The following SLC6A13 variants were observed in gnomAD, a reference collection of about 807,000 sequenced individuals.
The protein encoded by SLC6A13 is solute carrier family 6 member 13, also known as sodium- and chloride-dependent GABA transporter 2.
Under a neutral mutation model 72.9 loss-of-function variants are expected in SLC6A13, and 69 were observed. The ratio of observed to expected loss-of-function variants is 0.95; its 90% confidence interval spans 0.78 to 1.16. The LOEUF (loss-of-function observed/expected upper bound fraction) is 1.16. SLC6A13 is among the 50% of genes most tolerant of loss of function. The pLI, the probability that SLC6A13 is intolerant of heterozygous loss-of-function variation, is 0.00. For synonymous variants in SLC6A13, 303 were observed against 303.0 expected, an observed-to-expected ratio of 1.00 and a Z score of 0.00; for missense variants, 735 against 760.5, an observed-to-expected ratio of 0.97 and a Z score of 0.39.
rs76005298 is a variant in SLC6A13, at chr12:237,052, C to T, written c.696+106G>A. 9.7e-3 allele frequency: 12,166 copies of T among 1,249,886 alleles called. 298 individuals carry two copies. The highest frequency in any genetic ancestry group is 0.089 in the African/African-American group (5,945 of 66,846). The allele number at this position is 1,249,886 out of a possible 1,614,324, so 77.4% of individuals were successfully genotyped here. A position where few individuals can be genotyped will look rare whatever the true frequency, so the allele number is the denominator to read the frequency against. ...CCACATCAAATCCTCGCTGGGTCAT[C>T]GCCTCCCATCCTCAACGGGGCCACA... On this transcript the variant is annotated intron_variant, in intron 6 of 14. Transcript: ENST00000343164.
At chr12:236,660 T>G (rs1490814973) in intron 6 of SLC6A13, among the ~76,000 whole-genome samples, 1 of 152,220 alleles carries the variant, frequency 6.6e-6, no homozygotes, top group Non-Finnish European at 1.5e-5. Flanking sequence ...TTGTGACACA[T>G]GACCTCTGTC....
intron 2 of SLC6A13, among the ~76,000 whole-genome samples, chr12:245,676 T>A (rs1942322143): frequency 2.1e-5 from 3 of 146,118 alleles, no homozygotes; most frequent in Admixed American, 2.0e-4. Context: ...TGGGACTCTG[T>A]CGCAAAAAAA....
intron 8 of SLC6A13, 22 bp downstream of exon 8, chr12:227,543 C>T (rs1232938378): frequency 1.2e-6 from 2 of 1,613,160 alleles, no homozygotes; most frequent in Admixed American, 1.7e-5. Flanking sequence ...GTGTGTGGCT[C>T]AGGCCCCACG....
At chr12:223,943 G>C (rs1941326510) in intron 11 of SLC6A13, 49 bp downstream of exon 11, 1 of 1,606,956 alleles carries the variant, frequency 6.2e-7, no homozygotes, top group African/African-American at 1.3e-5. Flanking sequence ...GGTAGCAGCT[G>C]TCACTTGGCT....
At position 222,584 on chromosome 12, in the gene SLC6A13, G is replaced by T; in HGVS notation, c.1463C>A (p.Pro488Gln). The T allele has an allele frequency of 6.2e-7, 1 of 1,610,874 alleles. No individual in the cohort carries two copies. Reference protein sequence around the residue: ...DNIEDMIGYRPWPLIKYCWLF... With the variant: ...DNIEDMIGYRQWPLIKYCWLF... ...CCAACAGTATTTGATAAGAGGCCAT[G>T]GCCTGTACCCAATCATGTCTTCGAT... The change falls in exon 13 of 15, where the codon CCA becomes CAA. Residue 488 changes from proline (P) to glutamine (Q), a missense_variant. Transcript: ENST00000343164.
At chr12:245,270 G>A (rs550468806) in intron 2 of SLC6A13, among the ~76,000 whole-genome samples, 1 of 152,200 alleles carries the variant, frequency 6.6e-6, no homozygotes, top group African/African-American at 2.4e-5. Context: ...CAGTAACGGG[G>A]AATAATTATC....
intron 4 of SLC6A13, among the ~76,000 whole-genome samples, chr12:238,679 G>A (rs919307449): frequency 7.2e-5 from 11 of 152,172 alleles, no homozygotes; most frequent in Non-Finnish European, 5.9e-5. Context: ...GACAGATACT[G>A]TTTTCCCCAT....
At chr12:257,856 C>A (rs1030401627) in intron 2 of SLC6A13, among the ~76,000 whole-genome samples, 2 of 152,322 alleles carry the variant, frequency 1.3e-5, no homozygotes, top group South Asian at 4.1e-4. Flanking sequence ...CTCTTCGTGC[C>A]ATTCCTGCTA....
chr12:250,210 T>C lies in SLC6A13; in HGVS notation c.203-6397A>G, dbSNP rs151064491. On this transcript the variant is annotated intron_variant, in intron 2 of 14. Transcript: ENST00000343164. ...ATCATACTTAATTGTAAAAGACTGC[T>C]AAGATTGAGAATAAAACAAGTGTCT... Among the ~76,000 whole-genome samples the C allele has an allele frequency of 1.2e-4, 19 of 152,298 alleles. No homozygotes were observed. The East Asian group carries it at 3.3e-3, about 26-fold the overall frequency.
rs538572711 is a variant in SLC6A13 at position 244,640 on chromosome 12, T to A, written c.203-827A>T. On this transcript the variant is annotated intron_variant, in intron 2 of 14. Coordinates refer to ENST00000343164, the MANE Select transcript of SLC6A13 (RefSeq NM_016615.5). ...GGGAGTTCGAGGCTGCAGTGAGCTG[T>A]GATTGTGCCACTGCCCTCCCTCCAA... Among the ~76,000 whole-genome samples the A allele has an allele frequency of 7.9e-5, 12 of 152,054 alleles. No homozygotes were observed. The East Asian group carries it at 2.3e-3, about 29-fold the overall frequency.
intron 2 of SLC6A13, among the ~76,000 whole-genome samples, chr12:252,878 G>A (rs1204904021): frequency 6.7e-6 from 1 of 150,342 alleles, no homozygotes; most frequent in Non-Finnish European, 1.5e-5. Flanking sequence ...GAGCTCCTTG[G>A]CAGCCTGCCA....
chr12:222,754 G>A, intron 12 of SLC6A13, 122 bp from the exon 13 acceptor site: 1 of 611,812 alleles, frequency 1.6e-6, no homozygotes, highest in Non-Finnish European at 2.9e-6. Context: ...CATCACAGCT[G>A]TCTGTTCAAG....
At chr12:229,462 C>A (rs1941613836) in intron 7 of SLC6A13, among the ~76,000 whole-genome samples, 1 of 152,232 alleles carries the variant, frequency 6.6e-6, no homozygotes, top group South Asian at 2.1e-4. Flanking sequence ...ATGAAAGTCA[C>A]TCGGTTCTAT....
chr12:224,653 T>A (rs191804229), intron 9 of SLC6A13, 140 bp from the exon 10 acceptor site: 1 of 651,590 alleles, frequency 1.5e-6, no homozygotes, highest in Non-Finnish European at 2.7e-6. Context: ...CACCACCACG[T>A]CCTCACCTAG....
chr12:243,043 CTT>C (rs2137297618), intron 3 of SLC6A13, among the ~76,000 whole-genome samples: 1 of 148,022 alleles, frequency 6.8e-6, no homozygotes, highest in Non-Finnish European at 1.5e-5. Flanking sequence ...GAGTTTTGCT[CTT>C]GTCACCCAGG....
chr12:232,830 C>T (rs990460942), intron 7 of SLC6A13, among the ~76,000 whole-genome samples: 2 of 152,204 alleles, frequency 1.3e-5, no homozygotes, highest in African/African-American at 4.8e-5. Context: ...GAAGCCACAG[C>T]GTCCCAGCAG....
At chr12:244,946 C>A (rs1044838048) in intron 2 of SLC6A13, among the ~76,000 whole-genome samples, 3 of 152,144 alleles carry the variant, frequency 2.0e-5, no homozygotes, top group African/African-American at 4.8e-5. Context: ...TAAGCATTGG[C>A]GGAGACAAGA....
intron 13 of SLC6A13, among the ~76,000 whole-genome samples, chr12:221,774 C>T (rs908436529): frequency 6.6e-6 from 1 of 152,234 alleles, no homozygotes; most frequent in African/African-American, 2.4e-5. Context: ...GGCACCTCTA[C>T]GTGCAGCTGA....
chr12:230,427 A>C (rs1367207075), intron 7 of SLC6A13, among the ~76,000 whole-genome samples: 1 of 152,206 alleles, frequency 6.6e-6, no homozygotes, highest in Non-Finnish European at 1.5e-5. Context: ...TCTGGGCTCA[A>C]TTCCTGACCT....
Sources: allele counts gnomAD v4.1 joint callset (sites outside exome capture counted in the v4.1 genomes callset), GRCh38; gene constraint gnomAD v4.1.1; transcripts MANE v1.5; gene names NCBI Gene and HGNC (gene_info 2026-07-23, HGNC 2026-07-21).